The following MYO16 variants were observed in gnomAD, a reference collection of about 807,000 sequenced individuals.
MYO16 encodes myosin XVI.
MYO16 carries 94 observed loss-of-function variants against 205.3 expected under a neutral mutation model. The observed-to-expected ratio is 0.46, with a 90% CI of 0.39 to 0.54. MYO16 has a LOEUF of 0.54. MYO16 is among the 20% of genes least tolerant of loss of function. The probability of loss-of-function intolerance (pLI) is 0.00; values close to 1 mark genes in which losing one functional copy is unlikely to be tolerated. For synonymous variants in MYO16, 988 were observed against 954.0 expected (o/e 1.04, Z -0.66); for missense variants, 2,315 against 2,387.5 (o/e 0.97, Z 0.63).
intron 23 of MYO16, among the ~76,000 whole-genome samples, chr13:109,026,103 A>C (rs1241605996): frequency 2.0e-5 from 3 of 152,248 alleles, no homozygotes; most frequent in Non-Finnish European, 4.4e-5. Flanking sequence ...AAGATGATGC[A>C]TCCCTGTTTC....
intron 27 of MYO16, among the ~76,000 whole-genome samples, chr13:109,076,954 A>T (rs956231423): frequency 6.7e-6 from 1 of 149,580 alleles, no homozygotes; most frequent in African/African-American, 2.5e-5. Flanking sequence ...ATATTATTTT[A>T]CCTACATTCT....
At chr13:108,496,862 G>A in the MYO16 span, among the ~76,000 whole-genome samples, 1 of 152,082 alleles carries the variant, frequency 6.6e-6, no homozygotes, top group East Asian at 1.9e-4. Context: ...AAACTTGGCT[G>A]CTCTGAATTG....
At chr13:108,983,543 T>TG (rs1884522236) in intron 20 of MYO16, among the ~76,000 whole-genome samples, 1 of 152,188 alleles carries the variant, frequency 6.6e-6, no homozygotes. Flanking sequence ...AGGACACACT[T>TG]GAAAAACTCT....
intron 1 of MYO16, among the ~76,000 whole-genome samples, chr13:108,645,903 A>G (rs549015551): frequency 6.6e-6 from 1 of 152,316 alleles, no homozygotes; most frequent in South Asian, 2.1e-4. Context: ...CCCAGCTCAG[A>G]CTGAACAGAG....
At chr13:109,027,997 C>A (rs1886420344) in intron 23 of MYO16, among the ~76,000 whole-genome samples, 1 of 151,952 alleles carries the variant, frequency 6.6e-6, no homozygotes, top group African/African-American at 2.4e-5. Flanking sequence ...AAAACAGAGT[C>A]AATTCTTTTA....
the MYO16 span, among the ~76,000 whole-genome samples, chr13:108,560,170 A>G: frequency 6.6e-6 from 1 of 152,218 alleles, no homozygotes; most frequent in Non-Finnish European, 1.5e-5. Flanking sequence ...TCAGGCTAAG[A>G]GTAAGCTAAG....
chr13:108,703,182 T>A (rs559362923), intron 2 of MYO16, among the ~76,000 whole-genome samples: 1 of 152,242 alleles, frequency 6.6e-6, no homozygotes, highest in African/African-American at 2.4e-5. Context: ...GTAAGAGACA[T>A]CTATTGGATT....
chr13:108,646,974 T>C (rs1880782882), intron 1 of MYO16, among the ~76,000 whole-genome samples: 1 of 152,144 alleles, frequency 6.6e-6, no homozygotes, highest in African/African-American at 2.4e-5. Context: ...ACACTATATA[T>C]ATGTACTCTG....
chr13:108,981,502 A>G (rs894249027), intron 20 of MYO16, among the ~76,000 whole-genome samples: 1 of 152,234 alleles, frequency 6.6e-6, no homozygotes, highest in Non-Finnish European at 1.5e-5. Flanking sequence ...ACAGAATACA[A>G]CTGCAATGAT....
At chr13:108,502,291 A>G in the MYO16 span, among the ~76,000 whole-genome samples, 427 of 152,318 alleles carry the variant, frequency 2.8e-3, 2 homozygotes, top group Middle Eastern at 0.014. Flanking sequence ...GAAAACCCAC[A>G]GTATATTTAA....
intron 34 of MYO16, among the ~76,000 whole-genome samples, chr13:109,184,339 G>T (rs759887494): frequency 5.3e-5 from 8 of 152,106 alleles, no homozygotes; most frequent in Non-Finnish European, 1.0e-4. Context: ...AAATTAAGTT[G>T]ATGTGTGAAA....
the MYO16 span, among the ~76,000 whole-genome samples, chr13:108,525,883 C>CT: frequency 1.3e-5 from 2 of 150,748 alleles, no homozygotes; most frequent in East Asian, 1.9e-4. Flanking sequence ...GCAAATGATC[C>CT]TTTTTTTTCT....
Position 109,022,414 on chromosome 13 carries a change from G to A in MYO16, c.2796+2503G>A, listed in dbSNP as rs1374603118. 1.9e-4 allele frequency among the ~76,000 whole-genome samples: 17 copies of A among 88,888 alleles called. 1 individual carries two copies. Among genetic ancestry groups the A allele is most frequent in the East Asian group, 5.6e-4 (2 of 3,544 alleles). The allele number at this position is 88,888 out of a possible 152,430, so 58.3% of individuals were successfully genotyped here. Reference sequence around the variant, plus strand: ...ACATATATGTATATATGTATATATTGTATATACAAATATAAACATATGTAT... The same window carrying A: ...ACATATATGTATATATGTATATATTATATATACAAATATAAACATATGTAT... On this transcript the variant is annotated intron_variant, in intron 23 of 34. Transcript: ENST00000457511.
intron 16 of MYO16, among the ~76,000 whole-genome samples, chr13:108,927,541 A>G (rs1882066044): frequency 6.6e-6 from 1 of 152,172 alleles, no homozygotes; most frequent in Non-Finnish European, 1.5e-5. Flanking sequence ...AAGACATCCC[A>G]AGATTTCTGG....
intron 9 of MYO16, among the ~76,000 whole-genome samples, chr13:108,834,149 A>G (rs1876772095): frequency 6.6e-6 from 1 of 152,148 alleles, no homozygotes; most frequent in Non-Finnish European, 1.5e-5. Context: ...ACCAAGGGAG[A>G]ATGATTGAGC....
intron 33 of MYO16, 118 bp downstream of exon 33, chr13:109,165,177 T>C (rs1170648982): frequency 5.5e-6 from 4 of 733,374 alleles, no homozygotes; most frequent in Middle Eastern, 3.4e-4. Context: ...GAAAATAGAA[T>C]ATAAACCATG....
At chr13:109,173,883 A>C (rs9583341) in intron 33 of MYO16, among the ~76,000 whole-genome samples, 2 of 97,644 alleles carry the variant, frequency 2.0e-5, no homozygotes, top group African/African-American at 9.8e-5. Flanking sequence ...GCGAGACTCC[A>C]TCTCAAAAAA....
the MYO16 span, among the ~76,000 whole-genome samples, chr13:108,587,306 G>T: frequency 6.6e-6 from 1 of 152,266 alleles, no homozygotes; most frequent in African/African-American, 2.4e-5. Flanking sequence ...TATCTGAGTG[G>T]ACTGCTGGCT....
chr13:108,726,500 A>G (rs1884341264), intron 3 of MYO16, among the ~76,000 whole-genome samples: 1 of 151,684 alleles, frequency 6.6e-6, no homozygotes, highest in Non-Finnish European at 1.5e-5. Flanking sequence ...TGGAGGTTGC[A>G]GTGAGCTGAG....
Sources: allele counts gnomAD v4.1 joint callset (sites outside exome capture counted in the v4.1 genomes callset), GRCh38; gene constraint gnomAD v4.1.1; transcripts MANE v1.5; gene names NCBI Gene and HGNC (gene_info 2026-07-23, HGNC 2026-07-21).